The following SRCAP variants were observed in gnomAD, a reference collection of about 807,000 sequenced individuals.
SRCAP encodes Snf2 related CREBBP activator protein, also known as chromatin remodeling protein SRCAP.
A neutral mutation model predicts 263.1 loss-of-function variants in SRCAP; 46 were observed. That is an observed-to-expected ratio of 0.17 (90% CI 0.14 to 0.22). SRCAP has a LOEUF of 0.22. Among genes scored for constraint, SRCAP ranks in the 10% least tolerant of loss-of-function variants. The pLI is 1.00. For missense variants in SRCAP, 3,695 were observed against 4,181.9 expected, an observed-to-expected ratio of 0.88 and a Z score of 3.21; for synonymous variants, 1,813 against 1,662.1, an observed-to-expected ratio of 1.09 and a Z score of -2.21.
intron 5 of SRCAP, 51 bp from the exon 6 acceptor site, chr16:30,707,521 G>A (rs756665720): frequency 6.2e-7 from 1 of 1,608,020 alleles, no homozygotes; most frequent in Non-Finnish European, 8.5e-7. Context: ...TTGCCTTTGG[G>A]TGGGGAAGTC....
chr16:30,715,638 C>T (rs980339997), intron 16 of SRCAP, among the ~76,000 whole-genome samples: 10 of 150,782 alleles, frequency 6.6e-5, no homozygotes, highest in African/African-American at 1.9e-4. Flanking sequence ...TGTTCCTTTA[C>T]TTCTTCCGTG....
At position 30,711,925 on chromosome 16, in the gene SRCAP, C is replaced by T. The variant is rs779775628; in HGVS notation, c.1583C>T (p.Ser528Phe). Residue 528 changes from serine (S) to phenylalanine (F), a missense_variant, in exon 12 of 34, where the codon TCT becomes TTT. Around this residue, in one of 12 missense-constraint regions of SRCAP, gnomAD observed 288 missense variants for 302.4 expected, o/e 0.95. Coordinates refer to ENST00000262518, the MANE Select transcript of SRCAP (RefSeq NM_006662.3). ...AGTTCAGCATCAGAGGAATCTGAGTCTGAAGAGTCTGAGGATGCCCAATCA... is the reference window on the plus strand; with the variant it reads ...AGTTCAGCATCAGAGGAATCTGAGTTTGAAGAGTCTGAGGATGCCCAATCA... Reference protein sequence around the residue: ...SGSSASEESESEESEDAQSQS... With the variant: ...SGSSASEESEFEESEDAQSQS... The T allele has an allele frequency of 1.2e-6, 2 of 1,613,832 alleles. No homozygotes were observed. Among genetic ancestry groups the T allele is most frequent in the Non-Finnish European group, 1.7e-6 (2 of 1,179,982 alleles).
rs2053173193 is a variant in SRCAP at position 30,737,560 on chromosome 16, C to T, written c.7520C>T (p.Pro2507Leu). Residue 2507 changes from proline (P) to leucine (L), a missense_variant, in exon 34 of 34, where the codon CCT becomes CTT. Physicochemically the swap from Pro to Leu is moderately conservative, Grantham distance 98. Transcript: ENST00000262518. ...PACTPPPACTPPPAHTPPPAQ... is the reference protein window; with the variant it reads ...PACTPPPACTLPPAHTPPPAQ... The stretch of plus-strand genomic sequence containing the variant: ...TGCACCCCTCCTCCTGCCTGTACCC[C>T]TCCACCAGCTCATACACCGCCTCCA... 6.2e-7 allele frequency: 1 copy of T among 1,614,034 alleles called. No individual in the cohort carries two copies. Among genetic ancestry groups the T allele is most frequent in the South Asian group, 1.1e-5 (1 of 91,066 alleles).
chr16:30,716,471 C>T lies in SRCAP; in HGVS notation c.2809C>T (p.Pro937Ser), dbSNP rs1357116479. Reference protein sequence around the residue: ...SLVLRATDVHPLQRIDMGRFD... With the variant: ...SLVLRATDVHSLQRIDMGRFD... ...GGTGCTAAGGGCCACGGATGTCCAT[C>T]CCCTCCAGGTAAGTATGATTCCATT... is the stretch of plus-strand genomic sequence containing the variant. Residue 937 changes from proline (P) to serine (S), a missense_variant, in exon 18 of 34, where the codon CCC becomes TCC. Transcript: ENST00000262518. 1.2e-6 allele frequency: 2 copies of T among 1,612,290 alleles called. No homozygotes were observed. The highest frequency in any genetic ancestry group is 1.7e-6 in the Non-Finnish European group (2 of 1,179,140).
chr16:30,707,016 C>CT (rs1410913659), intron 4 of SRCAP, among the ~76,000 whole-genome samples, 167 bp from the exon 5 acceptor site: 1 of 152,140 alleles, frequency 6.6e-6, no homozygotes, highest in Non-Finnish European at 1.5e-5. Context: ...TCTCCCTGAT[C>CT]TTTTTTCCCT....
rs561694497 is a variant in SRCAP at position 30,724,093 on chromosome 16, A to G, written c.4669A>G (p.Ser1557Gly). 5.0e-6 allele frequency: 8 copies of G among 1,613,616 alleles called. No individual in the cohort carries two copies. Among genetic ancestry groups the G allele is most frequent in the African/African-American group, 4.0e-5 (3 of 74,980 alleles). The stretch of plus-strand genomic sequence containing the variant: ...CCTGGTGCCAGCTTCGGCTCTGGCC[A>G]GTCCTTTTCCGTCAGCACCAAATCC... ...PVLVPASALASPFPSAPNPAP... is the reference protein window; with the variant it reads ...PVLVPASALAGPFPSAPNPAP... Residue 1557 changes from serine (S) to glycine (G), a missense_variant, in exon 25 of 34, where the codon AGT (serine) becomes GGT (glycine). Ser to Gly is a moderately conservative substitution (Grantham distance 56). Coordinates refer to ENST00000262518, the MANE Select transcript of SRCAP (RefSeq NM_006662.3).
chr16:30,725,959 G>A (rs1394156236), intron 25 of SRCAP: 1 of 152,028 alleles, frequency 6.6e-6, no homozygotes, highest in Non-Finnish European at 1.5e-5. Flanking sequence ...TATATTTATA[G>A]GGTTGTACAA....
rs533814930 is a variant in SRCAP, at chr16:30,707,782, G to A, written c.633+70G>A. The A allele has an allele frequency of 1.0e-4, 160 of 1,562,570 alleles. No homozygotes were observed. In the African/African-American group the frequency reaches 2.1e-3, roughly 20 times the overall value. On this transcript the variant is annotated intron_variant, in intron 6 of 33. Transcript: ENST00000262518. ...TGGTAGATGGCGTGGTAGTAGGAATGATCAAAACTTCTTGAGGGAGTAAAT... is the reference window on the plus strand; with the variant it reads ...TGGTAGATGGCGTGGTAGTAGGAATAATCAAAACTTCTTGAGGGAGTAAAT...
In SRCAP at chr16:30,738,514, T is replaced by G; in HGVS notation, c.8474T>G (p.Phe2825Cys). The G allele has an allele frequency of 6.2e-7, 1 of 1,611,604 alleles. No individual in the cohort carries two copies. The highest frequency in any genetic ancestry group is 8.5e-7 in the Non-Finnish European group (1 of 1,178,760). Residue 2825 changes from phenylalanine (F) to cysteine (C), a missense_variant, in exon 34 of 34, where the codon TTC (phenylalanine) becomes TGC (cysteine). Coordinates refer to ENST00000262518, the MANE Select transcript of SRCAP (RefSeq NM_006662.3). ...CTGCCCACTCCACCCCAGCAGCCCT[T>G]CATTGCTCGCCGTCACATTGAGCTG... is the stretch of plus-strand genomic sequence containing the variant. ...SSLPTPPQQP[F>C]IARRHIELGV...
Position 30,740,889 on chromosome 16 carries a change from G to A in SRCAP, c.*1156G>A, listed in dbSNP as rs958727266. Reference sequence around the variant, plus strand: ...GCCCCTTTCACCTTTCCTATCCTTCGTTACTTGGGTTCAGGGAGCCAAGGT... The same window carrying A: ...GCCCCTTTCACCTTTCCTATCCTTCATTACTTGGGTTCAGGGAGCCAAGGT... On this transcript the variant is annotated 3_prime_UTR_variant, in exon 34 of 34. Coordinates refer to ENST00000262518, the MANE Select transcript of SRCAP (RefSeq NM_006662.3). 7 of 152,046 alleles carry A rather than the reference G, an allele frequency of 4.6e-5. No homozygotes were observed. The highest frequency in any genetic ancestry group is 2.6e-4 in the Admixed American group (4 of 15,262). 9.4% of individuals were successfully genotyped at this position (152,046 alleles called of 1,614,324 possible).
Position 30,729,101 on chromosome 16 carries a change from G to A in SRCAP, c.5794G>A (p.Val1932Ile), listed in dbSNP as rs2053089544. The A allele has an allele frequency of 1.2e-6, 2 of 1,614,070 alleles. No individual in the cohort carries two copies. The highest frequency in any genetic ancestry group is 1.3e-5 in the African/African-American group (1 of 74,928). The change falls in exon 26 of 34, where the codon GTT becomes ATT. Residue 1932 changes from valine to isoleucine, a missense_variant. This residue lies in a region of SRCAP where 1,347 missense variants were observed against 1,304.4 expected (regional missense o/e 1.03). Coordinates refer to ENST00000262518, the MANE Select transcript of SRCAP (RefSeq NM_006662.3). Reference sequence around the variant, plus strand: ...GGATTTCTGTACCCTGCCCCAACCTGTTGCCAGCCCCATCGGCCCTCGTTC... The same window carrying A: ...GGATTTCTGTACCCTGCCCCAACCTATTGCCAGCCCCATCGGCCCTCGTTC... ...VLDFCTLPQPVASPIGPRSPG... is the reference protein window; with the variant it reads ...VLDFCTLPQPIASPIGPRSPG...
At chr16:30,713,767 G>A (rs532354321) in intron 16 of SRCAP, 56 bp downstream of exon 16, 2 of 1,548,464 alleles carry the variant, frequency 1.3e-6, no homozygotes, top group Admixed American at 3.6e-5. Context: ...CCATTCCTGA[G>A]CACCTGGGCA....
intron 1 of SRCAP, 37 bp from the exon 2 acceptor site, chr16:30,699,871 A>C (rs1379193673): frequency 6.6e-6 from 1 of 152,204 alleles, no homozygotes; most frequent in Non-Finnish European, 1.5e-5. Flanking sequence ...CGTCTCAAAA[A>C]ACTGGAGTAA....
At chr16:30,713,768 C>G in intron 16 of SRCAP, 57 bp downstream of exon 16, 1 of 1,545,108 alleles carries the variant, frequency 6.5e-7, no homozygotes, top group East Asian at 2.2e-5. Context: ...CATTCCTGAG[C>G]ACCTGGGCAG....
At chr16:30,726,851 G>A (rs1401456331) in intron 25 of SRCAP, among the ~76,000 whole-genome samples, 3 of 152,082 alleles carry the variant, frequency 2.0e-5, no homozygotes, top group African/African-American at 4.8e-5. Flanking sequence ...CAGGCATGGC[G>A]TCACCACGCC....
rs2052797893 is a variant in SRCAP at position 30,704,006 on chromosome 16, TA to T, written c.55-54del. ...TGAAGATCGGATGAAATAATGTATC[TA>T]AAACACTCAGCACAGTGCGAAGCAT... On this transcript the variant is annotated intron_variant, in intron 3 of 33. Coordinates refer to ENST00000262518, the MANE Select transcript of SRCAP (RefSeq NM_006662.3). 10 of 1,536,124 alleles carry T rather than the reference TA, an allele frequency of 6.5e-6. No homozygotes were observed. The Admixed American group carries it at 1.8e-4, about 28-fold the overall frequency.
chr16:30,727,396 A>G (rs1208864480), intron 25 of SRCAP, among the ~76,000 whole-genome samples: 1 of 152,146 alleles, frequency 6.6e-6, no homozygotes, highest in Non-Finnish European at 1.5e-5. Flanking sequence ...ATGGTTTACA[A>G]ATAGTCTTTT....
rs767854341 is a variant in SRCAP, at chr16:30,721,494, T to C, written c.3541+18T>C. The C allele has an allele frequency of 1.9e-6, 3 of 1,603,244 alleles. No homozygotes were observed. The highest frequency in any genetic ancestry group is 2.2e-5 in the South Asian group (2 of 90,900). On this transcript the variant is annotated intron_variant, in intron 21 of 33. Coordinates refer to ENST00000262518, the MANE Select transcript of SRCAP (RefSeq NM_006662.3). ...CCTGCCCTGTAAGTTCCCAGGGCTC[T>C]GTGGTGAGGGACTTGAGATGGGAGG...
chr16:30,706,691 T>C (rs2052831293), intron 4 of SRCAP, among the ~76,000 whole-genome samples: 2 of 152,230 alleles, frequency 1.3e-5, no homozygotes, highest in South Asian at 4.1e-4. Flanking sequence ...TTGGGCATTA[T>C]AGCATATTTC....
Sources: allele counts gnomAD v4.1 joint callset (sites outside exome capture counted in the v4.1 genomes callset), GRCh38; gene constraint gnomAD v4.1.1; regional missense constraint gnomAD v4.1.1; transcripts MANE v1.5; gene names NCBI Gene and HGNC (gene_info 2026-07-23, HGNC 2026-07-21).